CSE1L: variants seen among roughly 807,000 people sequenced by gnomAD.
The protein encoded by CSE1L is chromosome segregation 1 like, also known as exportin-2.
CSE1L carries 24 observed loss-of-function variants against 120.4 expected under a neutral mutation model. The ratio of observed to expected loss-of-function variants is 0.20; its 90% CI spans 0.14 to 0.28. The LOEUF (loss-of-function observed/expected upper bound fraction) is 0.28, where lower values mean the gene tolerates loss of function less well. CSE1L is among the 10% of genes least tolerant of loss of function. The pLI is 1.00. For synonymous variants in CSE1L, 402 were observed against 398.3 expected (o/e 1.01, Z -0.11); for missense variants, 830 against 1,145.2 (o/e 0.72, Z 3.97).
intron 8 of CSE1L, 129 bp from the exon 9 acceptor site, chr20:49,072,157 G>A (rs2091937126): frequency 1.1e-6 from 1 of 931,588 alleles, no homozygotes; most frequent in Non-Finnish European, 1.6e-6. Context: ...TGGCATAGCT[G>A]TAGTTTACAA....
At chr20:49,067,928 C>CTTTTTTTTTTTTT (rs10567768) in intron 6 of CSE1L, among the ~76,000 whole-genome samples, 2 of 78,480 alleles carry the variant, frequency 2.5e-5, no homozygotes, top group African/African-American at 5.0e-5. Context: ...TTCCCTCTCT[C>CTTTTTTTTTTTTT]TTTTTTTTTT....
At chr20:49,078,114 A>G (rs940245846) in intron 13 of CSE1L, among the ~76,000 whole-genome samples, 9 of 152,210 alleles carry the variant, frequency 5.9e-5, no homozygotes, top group Non-Finnish European at 1.3e-4. Context: ...TGTACACCCA[A>G]AGGTGAAGAG....
chr20:49,079,229 T>A lies in CSE1L; in HGVS notation c.1482+607T>A, dbSNP rs6095425. 8.2e-4 allele frequency among the ~76,000 whole-genome samples: 121 copies of A among 148,298 alleles called. 1 individual carries two copies. The highest frequency in any genetic ancestry group is 1.4e-3 in the East Asian group (7 of 4,962). ...CTTTTATTTATTTATTTAAAAAAAA[T>A]TTTTTTTTATTTTTTTGAGACGGAT... On this transcript the variant is annotated intron_variant, in intron 14 of 24. Transcript: ENST00000262982.
chr20:49,068,547 C>T (rs1318597231), intron 6 of CSE1L, among the ~76,000 whole-genome samples, 168 bp from the exon 7 acceptor site: 2 of 152,082 alleles, frequency 1.3e-5, no homozygotes, highest in Non-Finnish European at 2.9e-5. Flanking sequence ...TGCAGCGAGC[C>T]GAGATTGTGC....
chr20:49,072,217 TCA>T, intron 8 of CSE1L, 67 bp from the exon 9 acceptor site: 2 of 1,524,980 alleles, frequency 1.3e-6, no homozygotes, highest in Non-Finnish European at 1.8e-6. Context: ...TTCAGGAATT[TCA>T]GTTACTCCTC....
intron 13 of CSE1L, among the ~76,000 whole-genome samples, chr20:49,077,934 G>T (rs2091981966): frequency 2.0e-5 from 3 of 152,108 alleles, no homozygotes; most frequent in South Asian, 2.1e-4. Flanking sequence ...AATCCAGGAG[G>T]CAGGGGTTGC....
At chr20:49,068,668 C>A in intron 6 of CSE1L, 47 bp from the exon 7 acceptor site, 1 of 1,215,830 alleles carries the variant, frequency 8.2e-7, no homozygotes, top group Non-Finnish European at 1.2e-6. Context: ...GATCAGCATG[C>A]TGGGTTTATG....
chr20:49,067,610 T>A (rs1374585087), intron 6 of CSE1L, among the ~76,000 whole-genome samples: 2 of 152,168 alleles, frequency 1.3e-5, no homozygotes, highest in African/African-American at 2.4e-5. Flanking sequence ...TATTTGACTA[T>A]GTTTGGAGTT....
chr20:49,086,232 A>G (rs1315742688), intron 16 of CSE1L, among the ~76,000 whole-genome samples: 5 of 152,148 alleles, frequency 3.3e-5, no homozygotes, highest in Non-Finnish European at 4.4e-5. Flanking sequence ...TTTTCAGAGA[A>G]ACTCCCTGAT....
At chr20:49,055,668 A>G (rs2091800838) in intron 1 of CSE1L, among the ~76,000 whole-genome samples, 1 of 152,190 alleles carries the variant, frequency 6.6e-6, no homozygotes, top group Non-Finnish European at 1.5e-5. Flanking sequence ...GTGGTGAGCT[A>G]TGATCATGCC....
intron 24 of CSE1L, chr20:49,096,070 G>T: frequency 1.8e-6 from 1 of 554,180 alleles, no homozygotes; most frequent in South Asian, 1.9e-5. Context: ...TACGTTTCAC[G>T]CGTAAGTACC....
At chr20:49,074,722 C>G in intron 10 of CSE1L, 63 bp from the exon 11 acceptor site, 1 of 1,397,546 alleles carries the variant, frequency 7.2e-7, no homozygotes, top group South Asian at 1.3e-5. Context: ...CTTCTGCATT[C>G]TCAGCTGTAA....
intron 1 of CSE1L, among the ~76,000 whole-genome samples, chr20:49,051,388 T>C (rs2091765276): frequency 6.6e-6 from 1 of 152,108 alleles, no homozygotes; most frequent in South Asian, 2.1e-4. Flanking sequence ...TTACTGTATA[T>C]AAAACTCAGC....
chr20:49,075,214 A>G, intron 11 of CSE1L, 104 bp from the exon 12 acceptor site: 1 of 935,314 alleles, frequency 1.1e-6, no homozygotes, highest in Non-Finnish European at 1.6e-6. Flanking sequence ...TCCGTTTTAC[A>G]ATCGTAGCCA....
At chr20:49,083,309 A>G (rs536824120) in intron 14 of CSE1L, among the ~76,000 whole-genome samples, 18 of 152,290 alleles carry the variant, frequency 1.2e-4, no homozygotes, top group African/African-American at 4.3e-4. Flanking sequence ...GTGAGCCGCC[A>G]CTGCGCCCGG....
Position 49,068,718 on chromosome 20 carries a change from A to T in CSE1L, c.571A>T (p.Thr191Ser), listed in dbSNP as rs1247933987. 1.2e-6 allele frequency: 2 copies of T among 1,610,600 alleles called. No homozygotes were observed. The highest frequency in any genetic ancestry group is 1.7e-6 in the Non-Finnish European group (2 of 1,177,210). ...TGTTGCTAAATTCCTTTCCAAGGCC[A>T]CTATTGAACTCTGCAGTACCCATGC... is the stretch of plus-strand genomic sequence containing the variant. ...ALPLTNLFKATIELCSTHAND... is the reference protein window; with the variant it reads ...ALPLTNLFKASIELCSTHAND... Residue 191 changes from threonine to serine, a missense_variant, in exon 7 of 25, where the codon ACT becomes TCT. By Grantham distance (58) the Thr-to-Ser change is moderately conservative. Around this residue, in one of 4 missense-constraint regions of CSE1L, gnomAD observed 543 missense variants for 640.2 expected, o/e 0.85. Transcript: ENST00000262982.
intron 13 of CSE1L, 136 bp from the exon 14 acceptor site, chr20:49,078,425 A>G (rs1161746534): frequency 1.4e-5 from 8 of 586,568 alleles, no homozygotes; most frequent in Admixed American, 3.8e-5. Flanking sequence ...ATGACTAAAT[A>G]GTAAATCATA....
At position 49,095,137 on chromosome 20, in the gene CSE1L, A is replaced by G. The variant is rs748276429; in HGVS notation, c.2826+174A>G. The G allele has an allele frequency of 1.7e-5, 12 of 686,324 alleles. No homozygotes were observed. In the East Asian group the frequency reaches 3.0e-4, roughly 17 times the overall value. 42.5% of individuals were successfully genotyped at this position (686,324 alleles called of 1,614,324 possible). On this transcript the variant is annotated intron_variant, in intron 24 of 24. Coordinates refer to ENST00000262982, the MANE Select transcript of CSE1L (RefSeq NM_001316.4). ...AAACACTGAGCCCTTTTTTTCTTGT[A>G]TTATGTACTACAAATATATTTTAAG...
At chr20:49,059,685 G>A (rs181746509) in intron 2 of CSE1L, among the ~76,000 whole-genome samples, 28 of 151,916 alleles carry the variant, frequency 1.8e-4, no homozygotes, top group Non-Finnish European at 2.9e-4. Flanking sequence ...CGAGACCATC[G>A]TGGCTAATAT....
Sources: allele counts gnomAD v4.1 joint callset (sites outside exome capture counted in the v4.1 genomes callset), GRCh38; gene constraint gnomAD v4.1.1; regional missense constraint gnomAD v4.1.1; transcripts MANE v1.5; gene names NCBI Gene and HGNC (gene_info 2026-07-23, HGNC 2026-07-21).